Variants in TRIM5 observed in about 807,000 individuals in gnomAD.
TRIM5 encodes the protein tripartite motif-containing protein 5.
Under a neutral mutation model 35.6 loss-of-function variants are expected in TRIM5, and 31 were observed. The observed-to-expected ratio is 0.87, with a 90% CI of 0.65 to 1.18. The LOEUF is 1.18. Ranked by LOEUF, TRIM5 falls within the 50% of genes most tolerant of loss-of-function variation. The pLI is 0.00. For missense variants in TRIM5, 609 were observed against 591.6 expected, an observed-to-expected ratio of 1.03 and a Z score of -0.31; for synonymous variants, 243 against 215.6, an observed-to-expected ratio of 1.13 and a Z score of -1.11.
At chr11:5,669,024 TA>T (rs1329544541) in intron 4 of TRIM5, among the ~76,000 whole-genome samples, 1 of 151,686 alleles carries the variant, frequency 6.6e-6, no homozygotes, top group Non-Finnish European at 1.5e-5. Context: ...GTCATTGTCC[TA>T]AAAACTACAT....
intron 1 of TRIM5, among the ~76,000 whole-genome samples, chr11:5,681,043 C>T (rs914777350): frequency 6.6e-6 from 1 of 152,178 alleles, no homozygotes; most frequent in African/African-American, 2.4e-5. Context: ...TGAGGAGTCT[C>T]ATCCTGAAAG....
At chr11:5,620,373 T>C in the TRIM5 span, among the ~76,000 whole-genome samples, 5 of 151,596 alleles carry the variant, frequency 3.3e-5, no homozygotes, top group Admixed American at 2.0e-4. Flanking sequence ...GAGACGGGGT[T>C]TCACCATGTT....
At chr11:5,613,501 C>G in the TRIM5 span, among the ~76,000 whole-genome samples, 2 of 152,316 alleles carry the variant, frequency 1.3e-5, no homozygotes, top group African/African-American at 4.8e-5. Context: ...TGGATGCAAA[C>G]TCCTTATCCT....
At chr11:5,596,760 C>A in the TRIM5 span, 3 of 1,327,100 alleles carry the variant, frequency 2.3e-6, no homozygotes, top group South Asian at 1.2e-5. Flanking sequence ...CAGAGTCGTG[C>A]GTGGTTGAGT....
chr11:5,644,249 T>C, the TRIM5 span: 1 of 398,862 alleles, frequency 2.5e-6, no homozygotes. Context: ...GATGAATACT[T>C]TCTCAGTTTC....
At chr11:5,640,008 TTTTAAATGC>T in the TRIM5 span, among the ~76,000 whole-genome samples, 1 of 152,248 alleles carries the variant, frequency 6.6e-6, no homozygotes, top group Non-Finnish European at 1.5e-5. Flanking sequence ...ATTTTAATTA[TTTTAAATGC>T]ATAATAAATT....
chr11:5,678,408 G>A lies in TRIM5; in HGVS notation c.540C>T (p.Asn180=), dbSNP rs182373551. Residue 180 remains asparagine (N), a synonymous_variant, in exon 4 of 8, where the codon AAC becomes AAT. Transcript: ENST00000380034. ...WKTQIQYDKT[N]VLADFEQLRD... The stretch of plus-strand genomic sequence containing the variant: ...TCAGTTGCTCAAAATCTGCCAAGAC[G>A]TTGGTTTTGTCATACTGTATTTGAG... 31 of 1,586,188 alleles carry A rather than the reference G, an allele frequency of 2.0e-5. No homozygotes were observed. Among genetic ancestry groups the A allele is most frequent in the East Asian group, 9.0e-5 (4 of 44,442 alleles).
At chr11:5,622,134 G>T in the TRIM5 span, among the ~76,000 whole-genome samples, 60 of 152,270 alleles carry the variant, frequency 3.9e-4, 1 homozygote, top group African/African-American at 1.3e-3. Flanking sequence ...TGAACTCAGA[G>T]AAATGAGTTT....
Position 5,679,664 on chromosome 11 carries a change from G to A in TRIM5, c.417+97C>T, listed in dbSNP as rs147327858. On this transcript the variant is annotated intron_variant, in intron 2 of 7. Coordinates refer to ENST00000380034, the MANE Select transcript of TRIM5 (RefSeq NM_033034.3). ...TGAAAAAAATAATCCCGGGTCTCAG[G>A]TCTATCATGACAAGGCAGTTAATGT... 6.6e-5 allele frequency: 87 copies of A among 1,311,106 alleles called. No individual in the cohort carries two copies. The Middle Eastern group carries it at 8.2e-4, about 12-fold the overall frequency. 81.2% of individuals were successfully genotyped at this position (1,311,106 alleles called of 1,614,324 possible).
the TRIM5 span, among the ~76,000 whole-genome samples, chr11:5,633,434 A>G: frequency 1.3e-5 from 2 of 152,044 alleles, no homozygotes; most frequent in East Asian, 1.9e-4. Context: ...TTTTCATTGT[A>G]TAAGTGATAA....
chr11:5,606,296 G>A, the TRIM5 span, among the ~76,000 whole-genome samples: 7 of 151,326 alleles, frequency 4.6e-5, no homozygotes, highest in East Asian at 5.9e-4. Flanking sequence ...TGTGTAGGTC[G>A]CAGATTACAA....
the TRIM5 span, among the ~76,000 whole-genome samples, chr11:5,629,155 T>C: frequency 2.0e-5 from 3 of 152,108 alleles, no homozygotes; most frequent in African/African-American, 7.2e-5. Context: ...CATACACCTG[T>C]AATCCCAGCT....
chr11:5,622,897 C>T, the TRIM5 span, among the ~76,000 whole-genome samples: 1 of 152,162 alleles, frequency 6.6e-6, no homozygotes, highest in Non-Finnish European at 1.5e-5. Context: ...GTGGTCAGGG[C>T]ACAGCTTGGT....
the TRIM5 span, among the ~76,000 whole-genome samples, chr11:5,600,387 G>T: frequency 6.8e-6 from 1 of 147,500 alleles, no homozygotes; most frequent in Non-Finnish European, 1.5e-5. Context: ...TGTGAGCATC[G>T]CTGCTGCTAA....
chr11:5,642,864 A>T, the TRIM5 span: 1 of 1,613,794 alleles, frequency 6.2e-7, no homozygotes, highest in Non-Finnish European at 8.5e-7. Context: ...GTTAGTCTTT[A>T]AATAACTGTT....
chr11:5,634,806 A>G, the TRIM5 span: 2 of 1,613,760 alleles, frequency 1.2e-6, no homozygotes, highest in Non-Finnish European at 1.7e-6. Context: ...TTGGTGAGAG[A>G]GCTCATCTCA....
chr11:5,629,869 G>A, the TRIM5 span, among the ~76,000 whole-genome samples: 4 of 152,174 alleles, frequency 2.6e-5, no homozygotes, highest in East Asian at 7.7e-4. Flanking sequence ...CGCCACCCCT[G>A]GCTAATTTTT....
the TRIM5 span, among the ~76,000 whole-genome samples, chr11:5,630,855 A>G: frequency 6.6e-6 from 1 of 152,212 alleles, no homozygotes; most frequent in Admixed American, 6.5e-5. Context: ...CCATCTGTTC[A>G]TTACTCAACT....
At chr11:5,613,189 G>A in the TRIM5 span, among the ~76,000 whole-genome samples, 1 of 152,196 alleles carries the variant, frequency 6.6e-6, no homozygotes, top group African/African-American at 2.4e-5. Flanking sequence ...TTTTATGGAA[G>A]GTAATGACAG....
Sources: gnomAD v4.1 joint callset for allele counts (sites outside exome capture counted in the v4.1 genomes callset) on GRCh38, gnomAD v4.1.1 for gene constraint, MANE v1.5 for transcripts, NCBI Gene and HGNC (gene_info 2026-07-23, HGNC 2026-07-21) for gene names.